Variants in PTPRT observed in about 807,000 individuals in gnomAD.
The protein encoded by PTPRT is protein tyrosine phosphatase receptor type T.
A neutral mutation model predicts 176.8 loss-of-function variants in PTPRT; 56 were observed. The ratio of observed to expected loss-of-function variants is 0.32; its 90% CI spans 0.26 to 0.40. The LOEUF is 0.40. Among genes scored for constraint, PTPRT ranks in the 10% least tolerant of loss-of-function variants. The pLI is 1.00. For missense variants in PTPRT, 1,540 were observed against 1,908.2 expected (o/e 0.81, Z 3.60); for synonymous variants, 783 against 739.0 (o/e 1.06, Z -0.96).
intron 9 of PTPRT, among the ~76,000 whole-genome samples, chr20:42,408,755 T>C (rs188859222): frequency 6.6e-6 from 1 of 152,350 alleles, no homozygotes; most frequent in East Asian, 1.9e-4. Flanking sequence ...TGCCTTCTGC[T>C]GCTATAAAAA....
chr20:42,619,751 C>T (rs1203149810), intron 7 of PTPRT, among the ~76,000 whole-genome samples: 2 of 134,080 alleles, frequency 1.5e-5, no homozygotes, highest in African/African-American at 7.1e-5. Context: ...GAGGCTTCTG[C>T]ATTCTTCACG....
intron 13 of PTPRT, among the ~76,000 whole-genome samples, chr20:42,271,383 T>C (rs1294480005): frequency 6.6e-6 from 1 of 152,220 alleles, no homozygotes; most frequent in South Asian, 2.1e-4. Context: ...AGGGAGTCTT[T>C]AGTACGTCAG....
At position 42,743,885 on chromosome 20, in the gene PTPRT, C is replaced by T. The variant is rs550189451; in HGVS notation, c.859+12577G>A. Among the ~76,000 whole-genome samples, 35 of 152,336 alleles carry T rather than the reference C, an allele frequency of 2.3e-4. 1 individual carries two copies. Among genetic ancestry groups the T allele is most frequent in the Admixed American group, 5.9e-4 (9 of 15,308 alleles). On this transcript the variant is annotated intron_variant, in intron 6 of 30. Coordinates refer to ENST00000373187, the MANE Select transcript of PTPRT (RefSeq NM_007050.6). Reference sequence around the variant, plus strand: ...TTTTCAATGTTTGAATGTGTTGCGACGATTTCTTCATGAGAATCCTTTCTA... The same window carrying T: ...TTTTCAATGTTTGAATGTGTTGCGATGATTTCTTCATGAGAATCCTTTCTA...
At chr20:43,148,866 C>T (rs1013425574) in intron 1 of PTPRT, among the ~76,000 whole-genome samples, 1 of 152,148 alleles carries the variant, frequency 6.6e-6, no homozygotes, top group Non-Finnish European at 1.5e-5. Flanking sequence ...GCTTTACTCT[C>T]ACCTCCAAGA....
chr20:42,870,014 A>C (rs1296277463), intron 2 of PTPRT, among the ~76,000 whole-genome samples: 1 of 152,150 alleles, frequency 6.6e-6, no homozygotes, highest in Non-Finnish European at 1.5e-5. Flanking sequence ...TCCTCATCAG[A>C]CACCAAACAT....
chr20:42,231,771 A>G (rs2056139922), intron 15 of PTPRT, among the ~76,000 whole-genome samples: 1 of 152,202 alleles, frequency 6.6e-6, no homozygotes, highest in African/African-American at 2.4e-5. Context: ...ACTTCATGCT[A>G]CAACATCAGA....
chr20:42,573,834 C>T lies in PTPRT; in HGVS notation c.1154-101272G>A, dbSNP rs149808819. The stretch of plus-strand genomic sequence containing the variant: ...CGCAATCTCAGCTCACTGCATGCTC[C>T]GCCCCTCCAGGTTTAAGCACTTCTC... On this transcript the variant is annotated intron_variant, in intron 7 of 30. Coordinates refer to ENST00000373187, the MANE Select transcript of PTPRT (RefSeq NM_007050.6). 5.7e-4 allele frequency among the ~76,000 whole-genome samples: 83 copies of T among 145,238 alleles called. 2 individuals are homozygous for T. The East Asian group carries it at 0.014, about 25-fold the overall frequency.
chr20:42,434,721 G>T (rs1568875463), intron 9 of PTPRT, among the ~76,000 whole-genome samples: 1 of 151,262 alleles, frequency 6.6e-6, no homozygotes, highest in Non-Finnish European at 1.5e-5. Flanking sequence ...CAGCACTTTG[G>T]GAGGCTGAGG....
intron 2 of PTPRT, among the ~76,000 whole-genome samples, chr20:42,793,222 T>G (rs1318584882): frequency 6.6e-6 from 1 of 152,222 alleles, no homozygotes; most frequent in Non-Finnish European, 1.5e-5. Flanking sequence ...CAAGTGCAGC[T>G]GTGTTTCATG....
chr20:42,437,903 A>T (rs550211825), intron 9 of PTPRT, among the ~76,000 whole-genome samples: 2 of 152,316 alleles, frequency 1.3e-5, no homozygotes, highest in South Asian at 4.1e-4. Context: ...CAGCAAATTC[A>T]TGCTGCATTG....
chr20:42,803,157 T>C (rs1186805007), intron 2 of PTPRT, among the ~76,000 whole-genome samples: 2 of 152,230 alleles, frequency 1.3e-5, no homozygotes, highest in African/African-American at 4.8e-5. Flanking sequence ...CAGGAAGCCA[T>C]GGAACATCTC....
intron 1 of PTPRT, among the ~76,000 whole-genome samples, chr20:42,921,686 G>A (rs1158976684): frequency 4.6e-5 from 7 of 152,186 alleles, no homozygotes; most frequent in Admixed American, 4.6e-4. Flanking sequence ...GAGACAAAAG[G>A]GGAAGGAATT....
chr20:42,299,781 G>C (rs903566238), intron 12 of PTPRT, among the ~76,000 whole-genome samples: 2 of 150,632 alleles, frequency 1.3e-5, no homozygotes. Context: ...CCGAGTAGCT[G>C]GGACTACAGG....
At position 42,104,570 on chromosome 20, in the gene PTPRT, T is replaced by C; in HGVS notation, c.3539A>G (p.Gln1180Arg). The C allele has an allele frequency of 6.2e-7, 1 of 1,612,308 alleles. No individual in the cohort carries two copies. Among genetic ancestry groups the C allele is most frequent in the South Asian group, 1.1e-5 (1 of 90,818 alleles). Residue 1180 changes from glutamine to arginine, a missense_variant and splice_region_variant, in exon 25 of 31, where the codon CAG (glutamine) becomes CGG (arginine). Around this residue, in one of 11 missense-constraint regions of PTPRT, gnomAD observed 342 missense variants for 394.0 expected, o/e 0.87. Transcript: ENST00000373187. Reference sequence around the variant, plus strand: ...ACCGAGCCTGGGATTTGCTCATACCTGAAATTCATCTTTGATTTGGCTGGA... The same window carrying C: ...ACCGAGCCTGGGATTTGCTCATACCCGAAATTCATCTTTGATTTGGCTGGA... Reference protein sequence around the residue: ...TNSSQIKDEFQTLNIVTPRVR... With the variant: ...TNSSQIKDEFRTLNIVTPRVR...
chr20:42,284,883 A>G (rs2057203073), intron 12 of PTPRT, among the ~76,000 whole-genome samples: 2 of 151,918 alleles, frequency 1.3e-5, no homozygotes, highest in South Asian at 2.1e-4. Context: ...TGAATCATTC[A>G]TATAAAATCT....
At chr20:42,049,063 G>A in the PTPRT span, among the ~76,000 whole-genome samples, 71,837 of 151,870 alleles carry the variant, frequency 0.47, 17,636 homozygotes, top group Middle Eastern at 0.64. Flanking sequence ...CAGGTGGTCC[G>A]CCTTCATCAG....
At chr20:42,707,759 GC>G (rs2076082709) in intron 6 of PTPRT, among the ~76,000 whole-genome samples, 1 of 152,200 alleles carries the variant, frequency 6.6e-6, no homozygotes, top group South Asian at 2.1e-4. Context: ...TTTCAGACCA[GC>G]CTGAGCAACA....
chr20:43,181,276 T>C (rs970281613), intron 1 of PTPRT, among the ~76,000 whole-genome samples: 1 of 152,170 alleles, frequency 6.6e-6, no homozygotes, highest in African/African-American at 2.4e-5. Flanking sequence ...CCACACAGAT[T>C]CCTGAGCCAA....
chr20:42,589,171 A>G (rs898817208), intron 7 of PTPRT, among the ~76,000 whole-genome samples: 2 of 152,158 alleles, frequency 1.3e-5, no homozygotes, highest in Non-Finnish European at 2.9e-5. Flanking sequence ...ACCTACCCAC[A>G]TTGCTAGGCA....
Sources: allele counts gnomAD v4.1 joint callset (sites outside exome capture counted in the v4.1 genomes callset), GRCh38; gene constraint gnomAD v4.1.1; regional missense constraint gnomAD v4.1.1; transcripts MANE v1.5; gene names NCBI Gene and HGNC (gene_info 2026-07-23, HGNC 2026-07-21).